Variants in MAPK10 observed in about 807,000 individuals in gnomAD.
The protein encoded by MAPK10 is mitogen-activated protein kinase 10, also known as JNK3 alpha protein kinase.
In MAPK10, 25 loss-of-function variants were observed where a neutral mutation model predicts 59.3. That is an observed-to-expected ratio of 0.42 (90% CI 0.31 to 0.59). MAPK10 has a LOEUF of 0.59. Among genes scored for constraint, MAPK10 ranks in the 20% least tolerant of loss-of-function variants. MAPK10 has a pLI of 0.15. For synonymous variants in MAPK10, 190 were observed against 200.5 expected, an observed-to-expected ratio of 0.95 and a Z score of 0.44; for missense variants, 351 against 568.9, an observed-to-expected ratio of 0.62 and a Z score of 3.90.
At chr4:86,519,395 T>C (rs1308258342) in intron 1 of MAPK10, among the ~76,000 whole-genome samples, 2 of 152,218 alleles carry the variant, frequency 1.3e-5, no homozygotes, top group Admixed American at 6.5e-5. Flanking sequence ...TAAACTGTTG[T>C]TGTTTTTAAC....
intron 1 of MAPK10, among the ~76,000 whole-genome samples, chr4:86,380,224 A>G (rs1740476536): frequency 6.6e-6 from 1 of 152,124 alleles, no homozygotes; most frequent in Non-Finnish European, 1.5e-5. Flanking sequence ...CTCTGTCTAA[A>G]AAAAGAACAA....
At chr4:86,199,051 A>C (rs112751355) in intron 2 of MAPK10, among the ~76,000 whole-genome samples, 2,613 of 152,136 alleles carry the variant, frequency 0.017, 99 homozygotes, top group African/African-American at 0.058. Context: ...ATTTGGAAGG[A>C]GGTTGATTTG....
intron 4 of MAPK10, among the ~76,000 whole-genome samples, chr4:86,128,999 T>C (rs2060552303): frequency 6.6e-6 from 1 of 152,138 alleles, no homozygotes; most frequent in South Asian, 2.1e-4. Flanking sequence ...CTGATTCTAA[T>C]TTTACAGTTA....
intron 3 of MAPK10, among the ~76,000 whole-genome samples, chr4:86,172,002 T>C (rs1193644812): frequency 6.9e-6 from 1 of 145,834 alleles, no homozygotes; most frequent in Non-Finnish European, 1.5e-5. Flanking sequence ...ATCAGAGAAA[T>C]GCAAATCAAA....
chr4:86,514,286 A>G (rs75728648), intron 1 of MAPK10, among the ~76,000 whole-genome samples: 7,129 of 152,276 alleles, frequency 0.047, 227 homozygotes, highest in African/African-American at 0.059. Context: ...CTTTTGTAAG[A>G]ACATCTGCCC....
intron 2 of MAPK10, among the ~76,000 whole-genome samples, chr4:86,198,413 T>C (rs1333916406): frequency 2.6e-5 from 4 of 152,092 alleles, no homozygotes; most frequent in Admixed American, 1.3e-4. Context: ...AGTTCTGACA[T>C]TCTAACTGCT....
chr4:86,108,809 A>T (rs2056976077), intron 4 of MAPK10, among the ~76,000 whole-genome samples: 1 of 152,170 alleles, frequency 6.6e-6, no homozygotes. Flanking sequence ...TCCATTATTA[A>T]CCATAATATA....
chr4:86,300,109 T>C (rs2095441310), intron 2 of MAPK10, among the ~76,000 whole-genome samples: 1 of 152,126 alleles, frequency 6.6e-6, no homozygotes, highest in Admixed American at 6.5e-5. Flanking sequence ...TCCAGGCTGG[T>C]CTCGAACTCC....
At chr4:86,451,700 C>T (rs1205364145) in intron 1 of MAPK10, among the ~76,000 whole-genome samples, 1 of 152,184 alleles carries the variant, frequency 6.6e-6, no homozygotes, top group Non-Finnish European at 1.5e-5. Context: ...GAGTTATGTG[C>T]AACCCATGTG....
At chr4:86,208,799 T>C (rs1382538183) in intron 2 of MAPK10, among the ~76,000 whole-genome samples, 1 of 152,114 alleles carries the variant, frequency 6.6e-6, no homozygotes, top group Non-Finnish European at 1.5e-5. Context: ...GAAGTCAAAT[T>C]GTCCCTGTTT....
chr4:86,212,414 C>A (rs2086101053), intron 2 of MAPK10, among the ~76,000 whole-genome samples: 1 of 151,972 alleles, frequency 6.6e-6, no homozygotes, highest in South Asian at 2.1e-4. Context: ...CCTAGCTACT[C>A]AGGAGACTGA....
Position 86,067,779 on chromosome 4 carries a change from G to T in MAPK10, c.979C>A (p.Leu327Ile). ...TCATTCCTGAAGGGCATACCTTTGA[G>T]TTTATTGTGCTCGGAGTCCGCTGGG... is the stretch of plus-strand genomic sequence containing the variant. Reference protein sequence around the residue: ...LFPADSEHNKLKASQARDLLS... With the variant: ...LFPADSEHNKIKASQARDLLS... The change falls in exon 10 of 14, where the codon CTC (leucine) becomes ATC (isoleucine). Residue 327 changes from leucine to isoleucine, a missense_variant. Coordinates refer to ENST00000641462, the MANE Select transcript of MAPK10 (RefSeq NM_138982.4). 6.2e-7 allele frequency: 1 copy of T among 1,610,504 alleles called. No individual in the cohort carries two copies. Among genetic ancestry groups the T allele is most frequent in the Non-Finnish European group, 8.5e-7 (1 of 1,178,138 alleles).
At chr4:86,310,716 C>T (rs1327586186) in intron 2 of MAPK10, among the ~76,000 whole-genome samples, 2 of 152,178 alleles carry the variant, frequency 1.3e-5, no homozygotes, top group Non-Finnish European at 2.9e-5. Context: ...ATATATAGTT[C>T]ACTTCCTTGA....
chr4:86,305,831 A>C (rs2095557687), intron 2 of MAPK10, among the ~76,000 whole-genome samples: 1 of 152,138 alleles, frequency 6.6e-6, no homozygotes, highest in African/African-American at 2.4e-5. Context: ...AAAAAAAAAA[A>C]AAAAAATCAA....
intron 2 of MAPK10, among the ~76,000 whole-genome samples, chr4:86,287,053 T>C (rs1002842422): frequency 1.3e-5 from 2 of 152,112 alleles, no homozygotes; most frequent in Non-Finnish European, 2.9e-5. Context: ...CCATTTCAGT[T>C]CAATGAGGAA....
chr4:86,476,852 G>A (rs895641335), intron 1 of MAPK10, among the ~76,000 whole-genome samples: 3 of 152,078 alleles, frequency 2.0e-5, no homozygotes, highest in Non-Finnish European at 4.4e-5. Flanking sequence ...CCTCCCCCAG[G>A]AGCTTGCTAC....
chr4:86,255,864 AG>A (rs2093686936), intron 2 of MAPK10, among the ~76,000 whole-genome samples: 1 of 152,156 alleles, frequency 6.6e-6, no homozygotes, highest in Non-Finnish European at 1.5e-5. Context: ...AATAGAATGT[AG>A]GTTCCTTAAG....
At chr4:86,414,084 C>A (rs200950070) in intron 1 of MAPK10, among the ~76,000 whole-genome samples, 1 of 149,162 alleles carries the variant, frequency 6.7e-6, no homozygotes, top group Non-Finnish European at 1.5e-5. Flanking sequence ...CAAATAATCC[C>A]TTTTGCTTTT....
intron 1 of MAPK10, among the ~76,000 whole-genome samples, chr4:86,546,331 T>C (rs891109152): frequency 4.6e-5 from 7 of 151,684 alleles, no homozygotes; most frequent in African/African-American, 1.7e-4. Flanking sequence ...GCAGATCACC[T>C]GAGGTTAGGA....
Sources: gnomAD v4.1 joint callset for allele counts (sites outside exome capture counted in the v4.1 genomes callset) on GRCh38, gnomAD v4.1.1 for gene constraint, MANE v1.5 for transcripts, NCBI Gene and HGNC (gene_info 2026-07-23, HGNC 2026-07-21) for gene names.